PPP3CC: variants seen among roughly 807,000 people sequenced by gnomAD.
PPP3CC encodes the protein protein phosphatase 3 catalytic subunit gamma.
PPP3CC carries 35 observed loss-of-function variants against 60.3 expected under a neutral mutation model. The observed-to-expected ratio is 0.58, with a 90% CI of 0.44 to 0.77. PPP3CC has a LOEUF of 0.77. PPP3CC is among the 30% of genes least tolerant of loss of function. The pLI, the probability that PPP3CC is intolerant of heterozygous loss-of-function variation, is 0.00. For missense variants in PPP3CC, 570 were observed against 628.9 expected (o/e 0.91, Z 1.00); for synonymous variants, 206 against 224.3 (o/e 0.92, Z 0.73).
chr8:22,498,816 TAA>T (rs1838669374), intron 4 of PPP3CC, among the ~76,000 whole-genome samples: 1 of 152,166 alleles, frequency 6.6e-6, no homozygotes, highest in Admixed American at 6.5e-5. Context: ...ATAGTAAAAA[TAA>T]GTTTAATATA....
At chr8:22,527,030 T>C (rs572316463) in intron 8 of PPP3CC, among the ~76,000 whole-genome samples, 1 of 152,308 alleles carries the variant, frequency 6.6e-6, no homozygotes, top group East Asian at 1.9e-4. Context: ...AATTTTTGCC[T>C]TCAAAGGAGA....
chr8:22,476,864 G>C (rs184643763), intron 3 of PPP3CC, among the ~76,000 whole-genome samples: 3 of 151,160 alleles, frequency 2.0e-5, no homozygotes, highest in Admixed American at 6.6e-5. Context: ...CCTGGGAGAC[G>C]GAGCTTGCAG....
intron 3 of PPP3CC, among the ~76,000 whole-genome samples, chr8:22,490,292 G>C (rs1016384564): frequency 7.9e-5 from 12 of 152,116 alleles, no homozygotes; most frequent in African/African-American, 2.9e-4. Context: ...CCCTGTTTCT[G>C]ACTCATCAGG....
intron 1 of PPP3CC, among the ~76,000 whole-genome samples, chr8:22,455,235 T>C (rs1055517943): frequency 2.6e-5 from 4 of 152,196 alleles, no homozygotes; most frequent in African/African-American, 9.7e-5. Flanking sequence ...GGTTAAATAC[T>C]ACTTGAAAAG....
At chr8:22,495,549 ATAT>A (rs200513942) in intron 3 of PPP3CC, among the ~76,000 whole-genome samples, 54 of 151,280 alleles carry the variant, frequency 3.6e-4, no homozygotes, top group African/African-American at 1.1e-3. Context: ...TATGCAAATT[ATAT>A]TATTATTATT....
rs557132181 is a variant in PPP3CC at position 22,458,927 on chromosome 8, C to T, written c.50-16027C>T. The stretch of plus-strand genomic sequence containing the variant: ...CAATGAATTTCTTCAAAGTTTGCTG[C>T]TTTTAAATCAAATTAAGGAAGTCAG... On this transcript the variant is annotated intron_variant, in intron 1 of 13. Coordinates refer to ENST00000240139, the MANE Select transcript of PPP3CC (RefSeq NM_005605.5). Among the ~76,000 whole-genome samples, 24 of 152,170 alleles carry T rather than the reference C, an allele frequency of 1.6e-4. No individual in the cohort carries two copies. The East Asian group carries it at 3.7e-3, about 23-fold the overall frequency.
At chr8:22,537,184 A>G (rs1398944882) in intron 12 of PPP3CC, among the ~76,000 whole-genome samples, 1 of 152,236 alleles carries the variant, frequency 6.6e-6, no homozygotes, top group Non-Finnish European at 1.5e-5. Context: ...TATATCTCCT[A>G]AGAGATTGGT....
At chr8:22,485,142 C>A (rs1218457824) in intron 3 of PPP3CC, among the ~76,000 whole-genome samples, 2 of 152,120 alleles carry the variant, frequency 1.3e-5, no homozygotes, top group African/African-American at 4.8e-5. Context: ...TCTTGGCATG[C>A]CTTTGAATTT....
chr8:22,492,515 G>T (rs1586829672), intron 3 of PPP3CC: 1 of 291,826 alleles, frequency 3.4e-6, no homozygotes, highest in East Asian at 6.9e-5. Context: ...CTGCCATCTT[G>T]CGTCCCCATG....
At chr8:22,497,742 A>G (rs927601932) in intron 3 of PPP3CC, among the ~76,000 whole-genome samples, 1 of 152,190 alleles carries the variant, frequency 6.6e-6, no homozygotes, top group African/African-American at 2.4e-5. Flanking sequence ...TACAGGTTTT[A>G]CGACTAATAT....
chr8:22,496,694 A>G (rs1468401237), intron 3 of PPP3CC, among the ~76,000 whole-genome samples: 8 of 150,676 alleles, frequency 5.3e-5, no homozygotes, highest in African/African-American at 9.8e-5. Flanking sequence ...ACGGGGTTTC[A>G]CCATATTGGC....
intron 3 of PPP3CC, among the ~76,000 whole-genome samples, chr8:22,475,949 A>G (rs1167735987): frequency 1.3e-5 from 2 of 152,200 alleles, no homozygotes. Context: ...AATGGGGTTT[A>G]GATTAGCTGA....
chr8:22,528,464 C>T, intron 9 of PPP3CC, 42 bp from the exon 10 acceptor site: 1 of 1,328,352 alleles, frequency 7.5e-7, no homozygotes, highest in Non-Finnish European at 1.0e-6. Context: ...GAGAAAGTAC[C>T]TCATTAATCG....
intron 12 of PPP3CC, among the ~76,000 whole-genome samples, chr8:22,535,480 G>A (rs1461671373): frequency 5.3e-5 from 8 of 151,698 alleles, no homozygotes; most frequent in Non-Finnish European, 8.8e-5. Context: ...CCACCTCATC[G>A]TTCATCTGGC....
At chr8:22,468,752 G>A (rs7831756) in intron 1 of PPP3CC, among the ~76,000 whole-genome samples, 3 of 152,048 alleles carry the variant, frequency 2.0e-5, no homozygotes, top group Admixed American at 6.5e-5. Flanking sequence ...CATTGGTGAC[G>A]GGCCATTTTT....
chr8:22,471,641 T>C (rs1467311320), intron 1 of PPP3CC, among the ~76,000 whole-genome samples: 1 of 151,958 alleles, frequency 6.6e-6, no homozygotes, highest in African/African-American at 2.4e-5. Context: ...AAAAACACAG[T>C]ATAAAAGGCA....
intron 1 of PPP3CC, among the ~76,000 whole-genome samples, chr8:22,464,805 C>T (rs1239218014): frequency 6.6e-6 from 1 of 152,126 alleles, no homozygotes; most frequent in Non-Finnish European, 1.5e-5. Flanking sequence ...GGGCTGAGTT[C>T]ACTCAAAGCT....
At chr8:22,496,533 T>TAGA (rs1213915479) in intron 3 of PPP3CC, among the ~76,000 whole-genome samples, 2 of 129,530 alleles carry the variant, frequency 1.5e-5, no homozygotes, top group Non-Finnish European at 3.2e-5. Context: ...AGTCTCGCTC[T>TAGA]GTCACCCAGG....
intron 12 of PPP3CC, 31 bp downstream of exon 12, chr8:22,533,049 T>C (rs369985723): frequency 1.6e-4 from 233 of 1,473,462 alleles, no homozygotes; most frequent in Non-Finnish European, 2.1e-4. Flanking sequence ...CCATGGAAGG[T>C]GTGCTCCCGT....
Sources: gnomAD v4.1 joint callset for allele counts (sites outside exome capture counted in the v4.1 genomes callset) on GRCh38, gnomAD v4.1.1 for gene constraint, MANE v1.5 for transcripts, NCBI Gene and HGNC (gene_info 2026-07-23, HGNC 2026-07-21) for gene names.